Variants in SUCLA2 observed in about 807,000 individuals in gnomAD.
SUCLA2 encodes the protein succinate--CoA ligase [ADP-forming] subunit beta, mitochondrial.
SUCLA2 carries 30 observed loss-of-function variants against 54.8 expected under a neutral mutation model. The ratio of observed to expected loss-of-function variants is 0.55; its 90% confidence interval spans 0.41 to 0.74. SUCLA2 has a LOEUF of 0.74. Ranked by LOEUF, SUCLA2 falls within the 30% of genes least tolerant of loss-of-function variation. The probability of loss-of-function intolerance (pLI) is 0.00; values close to 1 mark genes in which losing one functional copy is unlikely to be tolerated. For missense variants in SUCLA2, 476 were observed against 562.9 expected (o/e 0.85, Z 1.56); for synonymous variants, 172 against 188.9 (o/e 0.91, Z 0.74).
At chr13:47,993,010 G>T (rs1433493651) in intron 2 of SUCLA2, among the ~76,000 whole-genome samples, 2 of 152,194 alleles carry the variant, frequency 1.3e-5, no homozygotes, top group Non-Finnish European at 2.9e-5. Context: ...GTGGGTGGAA[G>T]GCTTGAGCCC....
At chr13:47,972,663 C>T (rs374722274) in intron 5 of SUCLA2, among the ~76,000 whole-genome samples, 15 of 79,086 alleles carry the variant, frequency 1.9e-4, no homozygotes, top group Admixed American at 7.2e-4. Flanking sequence ...AGCAAGACTC[C>T]GTCTTAAAAA....
intron 5 of SUCLA2, among the ~76,000 whole-genome samples, chr13:47,969,986 C>T (rs1483791095): frequency 1.3e-5 from 2 of 151,682 alleles, no homozygotes; most frequent in Admixed American, 6.6e-5. Context: ...CCTGTAATCC[C>T]AGCTACTCGA....
At position 47,954,457 on chromosome 13, in the gene SUCLA2, G is replaced by A. The variant is rs763684168; in HGVS notation, c.903C>T (p.Asp301=). ...TGAGATTTGCCTTAGCAGCATCTTT[G>A]TCCCTTTCATCTTCCTGGGTCCAGT... ...LQDWTQEDER[D]KDAAKANLNY... is the part of the protein sequence containing the mutation. The change falls in exon 7 of 11, where the codon GAC becomes GAT. Residue 301 remains aspartate (D), a synonymous_variant. Transcript: ENST00000646932. 1 of 1,613,958 alleles carries A rather than the reference G, an allele frequency of 6.2e-7. No homozygotes were observed. Among genetic ancestry groups the A allele is most frequent in the South Asian group, 1.1e-5 (1 of 91,072 alleles).
chr13:47,967,724 G>A lies in SUCLA2; in HGVS notation c.802+871C>T, dbSNP rs551128551. On this transcript the variant is annotated intron_variant, in intron 6 of 10. Coordinates refer to ENST00000646932, the MANE Select transcript of SUCLA2 (RefSeq NM_003850.3). ...CCAGGCGCGGTGGTGCATGCCTGTA[G>A]TCCAAGCTACTTGGGAGGCTGAGGC... Among the ~76,000 whole-genome samples, 14 of 151,734 alleles carry A rather than the reference G, an allele frequency of 9.2e-5. No individual in the cohort carries two copies. The East Asian group carries it at 2.7e-3, about 29-fold the overall frequency.
At chr13:47,967,064 T>C (rs1171974213) in intron 6 of SUCLA2, among the ~76,000 whole-genome samples, 2 of 152,166 alleles carry the variant, frequency 1.3e-5, no homozygotes, top group African/African-American at 2.4e-5. Context: ...TCCAATGTTA[T>C]TGCTTTGTGT....
At chr13:47,964,841 A>G (rs1949904918) in intron 6 of SUCLA2, among the ~76,000 whole-genome samples, 1 of 151,952 alleles carries the variant, frequency 6.6e-6, no homozygotes, top group African/African-American at 2.4e-5. Context: ...TGGGTGACAG[A>G]GCAAGACCCC....
At chr13:47,965,494 T>TAAAAAAAAAAAAAA (rs35331016) in intron 6 of SUCLA2, 3 of 311,162 alleles carry the variant, frequency 9.6e-6, no homozygotes, top group Admixed American at 5.5e-5. Flanking sequence ...ACCCCTTCTT[T>TAAAAAAAAAAAAAA]AAAAAAAAAA....
rs977699774 is a variant in SUCLA2, at chr13:47,953,271, C to A, written c.1107+869G>T. Among the ~76,000 whole-genome samples the A allele has an allele frequency of 9.9e-5, 15 of 152,242 alleles. No homozygotes were observed. The South Asian group carries it at 3.1e-3, about 32-fold the overall frequency. ...AAGCCATGCTTAGAAAAATAAACAA[C>A]TAGAATTCTAATTCTAGTTGTAAGT... On this transcript the variant is annotated intron_variant, in intron 8 of 10. Coordinates refer to ENST00000646932, the MANE Select transcript of SUCLA2 (RefSeq NM_003850.3).
chr13:47,975,697 A>T (rs1950006634), intron 4 of SUCLA2, among the ~76,000 whole-genome samples: 1 of 152,214 alleles, frequency 6.6e-6, no homozygotes, highest in African/African-American at 2.4e-5. Flanking sequence ...TGTAACAAGG[A>T]ATTCGGATGA....
At chr13:47,985,736 C>A (rs561132107) in intron 4 of SUCLA2, among the ~76,000 whole-genome samples, 78 of 152,252 alleles carry the variant, frequency 5.1e-4, no homozygotes, top group African/African-American at 1.8e-3. Flanking sequence ...GATTTATATT[C>A]TTTTGGGTAT....
chr13:47,988,350 AT>A, intron 4 of SUCLA2, 190 bp downstream of exon 4: 1 of 616,854 alleles, frequency 1.6e-6, no homozygotes, highest in Non-Finnish European at 2.7e-6. Context: ...TAAGATCATG[AT>A]ATTATATATC....
At chr13:47,993,691 G>T (rs1485399545) in intron 2 of SUCLA2, among the ~76,000 whole-genome samples, 1 of 152,176 alleles carries the variant, frequency 6.6e-6, no homozygotes, top group Non-Finnish European at 1.5e-5. Context: ...CACCTGTAAA[G>T]CATTTATGTT....
At chr13:47,981,779 C>G (rs1950062169) in intron 4 of SUCLA2, among the ~76,000 whole-genome samples, 1 of 152,182 alleles carries the variant, frequency 6.6e-6, no homozygotes, top group African/African-American at 2.4e-5. Flanking sequence ...CACCACTGCA[C>G]TCCAGCCTGG....
chr13:47,954,928 A>G (rs1352495643), intron 6 of SUCLA2, among the ~76,000 whole-genome samples: 1 of 152,074 alleles, frequency 6.6e-6, no homozygotes, highest in Non-Finnish European at 1.5e-5. Context: ...ATGTTCCAGC[A>G]ATTCTGTCTC....
Position 47,971,117 on chromosome 13 carries a change from A to C in SUCLA2, c.663+2147T>G, listed in dbSNP as rs145817544. Reference sequence around the variant, plus strand: ...AGTCCAATATTCAAATTCTTCTTTTAAGGTGAGTCATTAGGCCAGGCGCGG... The same window carrying C: ...AGTCCAATATTCAAATTCTTCTTTTCAGGTGAGTCATTAGGCCAGGCGCGG... On this transcript the variant is annotated intron_variant, in intron 5 of 10. Transcript: ENST00000646932. Among the ~76,000 whole-genome samples the C allele has an allele frequency of 6.7e-3, 1,017 of 152,258 alleles. 10 individuals are homozygous for C. The highest frequency in any genetic ancestry group is 0.023 in the African/African-American group (969 of 41,554).
chr13:47,997,085 C>T (rs918508183), intron 1 of SUCLA2, 62 bp from the exon 2 acceptor site: 1 of 1,547,748 alleles, frequency 6.5e-7, no homozygotes, highest in Non-Finnish European at 8.9e-7. Flanking sequence ...TTGCTAACTA[C>T]TTGGTTCTTC....
chr13:47,960,490 G>A (rs1020783422), intron 6 of SUCLA2, among the ~76,000 whole-genome samples: 1 of 151,968 alleles, frequency 6.6e-6, no homozygotes, highest in African/African-American at 2.4e-5. Context: ...AAAAGTAGGG[G>A]AGAATAAAAA....
Position 47,949,090 on chromosome 13 carries a change from T to C in SUCLA2, c.1229-62A>G. ...ACACACACAAAAGCATTTTAAAATG[T>C]TTGCCAAAACATGGTATAAGAATAA... On this transcript the variant is annotated intron_variant, in intron 9 of 10. Transcript: ENST00000646932. 3.3e-6 allele frequency: 5 copies of C among 1,537,724 alleles called. No homozygotes were observed. In the South Asian group the frequency reaches 5.6e-5, roughly 17 times the overall value.
At chr13:48,000,882 C>A in intron 1 of SUCLA2, 1 of 1,264,588 alleles carries the variant, frequency 7.9e-7, no homozygotes, top group African/African-American at 1.5e-5. Flanking sequence ...ATGTCCTGAC[C>A]CCCTCACCTC....
Sources: gnomAD v4.1 joint callset for allele counts (sites outside exome capture counted in the v4.1 genomes callset) on GRCh38, gnomAD v4.1.1 for gene constraint, MANE v1.5 for transcripts, NCBI Gene and HGNC (gene_info 2026-07-23, HGNC 2026-07-21) for gene names.